The following FUT8 variants were observed in gnomAD, a reference collection of about 807,000 sequenced individuals.
FUT8 encodes alpha-(1,6)-fucosyltransferase.
In FUT8, 29 loss-of-function variants were observed where a neutral mutation model predicts 71.3. That is an observed-to-expected ratio of 0.41 (90% CI 0.30 to 0.55). FUT8 has a LOEUF of 0.55. Ranked by LOEUF, FUT8 falls within the 20% of genes least tolerant of loss-of-function variation. FUT8 has a pLI of 0.34. For synonymous variants in FUT8, 254 were observed against 239.3 expected (o/e 1.06, Z -0.57); for missense variants, 544 against 702.1 (o/e 0.77, Z 2.55).
intron 7 of FUT8, among the ~76,000 whole-genome samples, chr14:65,697,880 C>T (rs1317541037): frequency 6.6e-6 from 1 of 151,884 alleles, no homozygotes; most frequent in Non-Finnish European, 1.5e-5. Flanking sequence ...GAGGCTGAGG[C>T]AGGAGAATCA....
At chr14:65,512,380 G>T (rs1163095532) in intron 2 of FUT8, among the ~76,000 whole-genome samples, 3 of 152,230 alleles carry the variant, frequency 2.0e-5, no homozygotes, top group East Asian at 3.9e-4. Context: ...TGTCCAGGCA[G>T]GTCTTGAACT....
At chr14:65,506,361 C>G (rs779339178) in intron 2 of FUT8, among the ~76,000 whole-genome samples, 2 of 152,160 alleles carry the variant, frequency 1.3e-5, no homozygotes, top group African/African-American at 2.4e-5. Context: ...GTAAAGAACA[C>G]TATACAGTGG....
In FUT8 at chr14:65,743,796, C is replaced by T. The variant is rs1896613022; in HGVS notation, c.*1386C>T. The T allele has an allele frequency of 6.6e-6, 1 of 151,836 alleles. No homozygotes were observed. Among genetic ancestry groups the T allele is most frequent in the Non-Finnish European group, 1.5e-5 (1 of 67,874 alleles). The allele number at this position is 151,836 out of a possible 1,614,324, so 9.4% of individuals were successfully genotyped here. A position where few individuals can be genotyped will look rare whatever the true frequency, so the allele number is the denominator to read the frequency against. On this transcript the variant is annotated 3_prime_UTR_variant, in exon 11 of 11. Coordinates refer to ENST00000673929, the MANE Select transcript of FUT8 (RefSeq NM_001371533.1). ...TGTCTCTGAGCATCATTTTTCTCCTCATAAAAACACTTCCTTATTGTATGT... is the reference window on the plus strand; with the variant it reads ...TGTCTCTGAGCATCATTTTTCTCCTTATAAAAACACTTCCTTATTGTATGT...
chr14:65,577,325 C>G (rs1028004053), intron 3 of FUT8, among the ~76,000 whole-genome samples: 12 of 152,118 alleles, frequency 7.9e-5, no homozygotes, highest in African/African-American at 2.9e-4. Context: ...AAGGAACAAT[C>G]TAGTGAAATG....
In FUT8 at chr14:65,467,990, C is replaced by G. The variant is rs145272084; in HGVS notation, c.-228+12272C>G. The G allele has an allele frequency of 0.012, 8,288 of 695,662 alleles. 84 individuals are homozygous for G. Among genetic ancestry groups the G allele is most frequent in the Non-Finnish European group, 0.017 (6,254 of 372,864 alleles). 43.1% of individuals were successfully genotyped at this position (695,662 alleles called of 1,614,324 possible). A position where few individuals can be genotyped will look rare whatever the true frequency, so the allele number is the denominator to read the frequency against. ...CGTGTTTCAGGAAGCTATTTTGGCT[C>G]TTAGAGTGCTGAATGTGCTCAATAC... On this transcript the variant is annotated intron_variant, in intron 2 of 10. Coordinates refer to ENST00000673929, the MANE Select transcript of FUT8 (RefSeq NM_001371533.1). This position sits in a 1 kb window ranked among gnomAD's most constrained non-coding sequence, Gnocchi z 4.1.
chr14:65,363,015 C>CAA, the FUT8 span, among the ~76,000 whole-genome samples: 6,556 of 140,610 alleles, frequency 0.047, 414 homozygotes, highest in African/African-American at 0.14. Context: ...AAATGAGACT[C>CAA]AAAAAAAAAA....
intron 6 of FUT8, among the ~76,000 whole-genome samples, chr14:65,632,928 T>C (rs2140272845): frequency 6.6e-6 from 1 of 152,084 alleles, no homozygotes; most frequent in Non-Finnish European, 1.5e-5. Context: ...TTCATTCTCC[T>C]ACATGTGGCT....
intron 2 of FUT8, among the ~76,000 whole-genome samples, chr14:65,558,012 T>C (rs933443345): frequency 2.6e-5 from 4 of 152,096 alleles, no homozygotes; most frequent in Admixed American, 2.6e-4. Context: ...GATACATTAT[T>C]TTTTCATGGT....
At chr14:65,468,187 A>C (rs10483778) in intron 2 of FUT8, 23,372 of 635,532 alleles carry the variant, frequency 0.037, 636 homozygotes, top group Admixed American at 0.073. Context: ...ACACTCGCGG[A>C]GCATTCCTTT....
At chr14:65,728,468 C>G (rs892199427) in intron 9 of FUT8, among the ~76,000 whole-genome samples, 1 of 152,182 alleles carries the variant, frequency 6.6e-6, no homozygotes, top group Admixed American at 6.5e-5. Context: ...GACTTATTCA[C>G]TATCATGAGA....
At chr14:65,377,703 G>T in the FUT8 span, among the ~76,000 whole-genome samples, 1 of 149,622 alleles carries the variant, frequency 6.7e-6, no homozygotes, top group Non-Finnish European at 1.5e-5. Context: ...TGTCAACCTC[G>T]ATCTTGTAAA....
At chr14:65,461,918 A>G (rs773699597) in intron 2 of FUT8, among the ~76,000 whole-genome samples, 7 of 152,168 alleles carry the variant, frequency 4.6e-5, no homozygotes, top group Non-Finnish European at 1.5e-5. Flanking sequence ...CGAGGAAGCA[A>G]TAATGGTGAA....
chr14:65,710,263 A>T (rs1312705454), intron 7 of FUT8, among the ~76,000 whole-genome samples: 2 of 152,216 alleles, frequency 1.3e-5, no homozygotes, highest in Admixed American at 1.3e-4. Context: ...CATATGGTAC[A>T]TGGATATAAA....
At chr14:65,717,804 C>T (rs933963354) in intron 7 of FUT8, among the ~76,000 whole-genome samples, 8 of 152,216 alleles carry the variant, frequency 5.3e-5, no homozygotes, top group East Asian at 3.9e-4. Context: ...CAGGCAGAGG[C>T]GCTCCTCACC....
chr14:65,703,104 A>G (rs1401930450), intron 7 of FUT8, among the ~76,000 whole-genome samples: 1 of 152,228 alleles, frequency 6.6e-6, no homozygotes, highest in Non-Finnish European at 1.5e-5. Context: ...CTTCCTTTGT[A>G]AATTCTAGTC....
intron 8 of FUT8, among the ~76,000 whole-genome samples, chr14:65,723,660 C>T (rs1895540668): frequency 6.6e-6 from 1 of 152,190 alleles, no homozygotes; most frequent in South Asian, 2.1e-4. Context: ...TTAAGTTCTA[C>T]AAGCTGGCAG....
chr14:65,636,150 A>T (rs1475001441), intron 6 of FUT8, among the ~76,000 whole-genome samples: 1 of 152,096 alleles, frequency 6.6e-6, no homozygotes, highest in African/African-American at 2.4e-5. Context: ...GTAGCCTTGA[A>T]TGATCTTTTG....
intron 2 of FUT8, among the ~76,000 whole-genome samples, chr14:65,470,195 G>C (rs1566767534): frequency 6.6e-6 from 1 of 152,264 alleles, no homozygotes; most frequent in East Asian, 1.9e-4. Flanking sequence ...CCCACTCTGA[G>C]AACCTGCCAC....
At chr14:65,738,268 C>T (rs1338389970) in intron 10 of FUT8, among the ~76,000 whole-genome samples, 1 of 152,084 alleles carries the variant, frequency 6.6e-6, no homozygotes, top group East Asian at 1.9e-4. Flanking sequence ...CAGCCACTTC[C>T]AACTTCTCAC....
Sources: allele counts gnomAD v4.1 joint callset (sites outside exome capture counted in the v4.1 genomes callset), GRCh38; gene constraint gnomAD v4.1.1; non-coding constraint Gnocchi (gnomAD v3.1); transcripts MANE v1.5; gene names NCBI Gene and HGNC (gene_info 2026-07-23, HGNC 2026-07-21).